Variants in ADCY3 observed in about 807,000 individuals in gnomAD.
ADCY3 encodes the protein adenylate cyclase 3.
In ADCY3, 70 loss-of-function variants were observed where a neutral mutation model predicts 119.4. The ratio of observed to expected loss-of-function variants is 0.59; its 90% CI spans 0.48 to 0.72. The LOEUF (loss-of-function observed/expected upper bound fraction) is 0.72. Ranked by LOEUF, ADCY3 falls within the 30% of genes least tolerant of loss-of-function variation. The pLI, the probability that ADCY3 is intolerant of heterozygous loss-of-function variation, is 0.00. For missense variants in ADCY3, 1,238 were observed against 1,541.6 expected, an observed-to-expected ratio of 0.80 and a Z score of 3.30; for synonymous variants, 672 against 621.4, an observed-to-expected ratio of 1.08 and a Z score of -1.21.
chr2:24,846,355 T>C (rs1020067732), intron 3 of ADCY3, among the ~76,000 whole-genome samples: 1 of 152,190 alleles, frequency 6.6e-6, no homozygotes, highest in Non-Finnish European at 1.5e-5. Context: ...CCCGAGACTA[T>C]GGGAACCTGC....
intron 3 of ADCY3, among the ~76,000 whole-genome samples, chr2:24,847,032 T>G (rs1671732827): frequency 6.6e-6 from 1 of 152,032 alleles, no homozygotes; most frequent in African/African-American, 2.4e-5. Context: ...GGACATGAGA[T>G]TTGGAGGGGC....
At chr2:24,832,054 G>GTGCA (rs1572825293) in intron 11 of ADCY3, 2 of 99,602 alleles carry the variant, frequency 2.0e-5, no homozygotes, top group East Asian at 7.4e-4. Flanking sequence ...CAAGGACCGG[G>GTGCA]GGAAGGGGGC....
chr2:24,823,463 G>A, intron 17 of ADCY3, 108 bp from the exon 18 acceptor site: 1 of 1,214,108 alleles, frequency 8.2e-7, no homozygotes, highest in Non-Finnish European at 1.1e-6. Flanking sequence ...CAGCTTTTTG[G>A]ACTCACACAT....
rs1420429615 is a variant in ADCY3 at position 24,918,943 on chromosome 2, C to G, written c.45G>C (p.Glu15Asp). The stretch of plus-strand genomic sequence containing the variant: ...GGCTGACGGAGTACTCGGCTGAGTA[C>G]TCGGCCGAGTATTCGGGCTCGGAGA... ...QGFSEPEYSA[E>D]YSAEYSVSLP... Residue 15 changes from glutamate (E) to aspartate (D), a missense_variant, in exon 2 of 22, where the codon GAG becomes GAC. By Grantham distance (45) the Glu-to-Asp change is conservative. Transcript: ENST00000679454. This position sits in a 1 kb window ranked among gnomAD's most constrained non-coding sequence, Gnocchi z 5.4. 6.2e-7 allele frequency: 1 copy of G among 1,609,770 alleles called. No individual in the cohort carries two copies. Among genetic ancestry groups the G allele is most frequent in the Non-Finnish European group, 8.5e-7 (1 of 1,178,964 alleles).
intron 14 of ADCY3, 83 bp from the exon 15 acceptor site, chr2:24,827,691 C>A: frequency 1.4e-6 from 2 of 1,468,874 alleles, no homozygotes; most frequent in Non-Finnish European, 1.9e-6. Flanking sequence ...TATCCCAAGT[C>A]CTCCACTCGG....
intron 12 of ADCY3, among the ~76,000 whole-genome samples, chr2:24,831,240 A>AC (rs1014950951): frequency 1.1e-4 from 17 of 151,512 alleles, no homozygotes; most frequent in Non-Finnish European, 2.1e-4. Flanking sequence ...TAAAAAAAAA[A>AC]AAAACTCTGC....
chr2:24,894,177 A>G (rs1375513185), intron 2 of ADCY3, among the ~76,000 whole-genome samples: 1 of 152,132 alleles, frequency 6.6e-6, no homozygotes, highest in African/African-American at 2.4e-5. Flanking sequence ...CAAATATTCT[A>G]TTACTTTGCA....
At position 24,918,346 on chromosome 2, in the gene ADCY3, C is replaced by T. The variant is rs1664711190; in HGVS notation, c.642G>A (p.Gln214=). The change falls in exon 2 of 22, where the codon CAG becomes CAA. Residue 214 remains glutamine, a synonymous_variant. Coordinates refer to ENST00000679454, the MANE Select transcript of ADCY3 (RefSeq NM_004036.5). This position sits in a 1 kb window ranked among gnomAD's most constrained non-coding sequence, Gnocchi z 5.4. ...GCAGCTGCATCCCCTTGAGCTCCTC[C>T]TGCTGCTGCTGGGCCACGGTGACCC... is the stretch of plus-strand genomic sequence containing the variant. The part of the protein sequence containing the change: ...VLGVTVAQQQ[Q]EELKGMQLLR... The T allele has an allele frequency of 1.9e-6, 3 of 1,588,686 alleles. No individual in the cohort carries two copies. The African/African-American group carries it at 4.0e-5, about 21-fold the overall frequency.
At chr2:24,907,261 CT>C (rs1183065640) in intron 2 of ADCY3, among the ~76,000 whole-genome samples, 1 of 151,518 alleles carries the variant, frequency 6.6e-6, no homozygotes. Context: ...CAGTCTTCCA[CT>C]ACCAGATCTG....
intron 9 of ADCY3, 100 bp downstream of exon 9, chr2:24,836,817 G>A: frequency 1.3e-6 from 2 of 1,489,472 alleles, no homozygotes; most frequent in Non-Finnish European, 1.8e-6. Context: ...TGGTGGCCAG[G>A]TCTCCCCAGC....
At chr2:24,824,239 T>G in intron 17 of ADCY3, 139 bp downstream of exon 17, 1 of 1,067,862 alleles carries the variant, frequency 9.4e-7, no homozygotes, top group Non-Finnish European at 1.3e-6. Flanking sequence ...CTTATTTGTG[T>G]TTGCTGTTTA....
At chr2:24,846,397 C>T (rs1161782181) in intron 3 of ADCY3, among the ~76,000 whole-genome samples, 1 of 152,170 alleles carries the variant, frequency 6.6e-6, no homozygotes, top group Non-Finnish European at 1.5e-5. Flanking sequence ...GATGTGAGAC[C>T]TGGAGTCAAA....
At chr2:24,835,983 C>T (rs912993468) in intron 9 of ADCY3, among the ~76,000 whole-genome samples, 9 of 151,970 alleles carry the variant, frequency 5.9e-5, no homozygotes, top group African/African-American at 2.2e-4. Context: ...CACAGGTGTG[C>T]CACTGGTTGA....
chr2:24,914,146 G>A (rs988710557), intron 2 of ADCY3, among the ~76,000 whole-genome samples: 4 of 152,200 alleles, frequency 2.6e-5, no homozygotes, highest in Non-Finnish European at 4.4e-5. Context: ...CCAGGGGAGC[G>A]AAATGGGCAA....
intron 2 of ADCY3, among the ~76,000 whole-genome samples, chr2:24,874,612 T>G (rs981728900): frequency 6.6e-6 from 1 of 152,186 alleles, no homozygotes; most frequent in Non-Finnish European, 1.5e-5. Context: ...GGGCCAGGTC[T>G]TCTTCTGGCC....
intron 21 of ADCY3, 29 bp downstream of exon 21, chr2:24,820,695 G>C: frequency 1.2e-6 from 2 of 1,613,426 alleles, no homozygotes; most frequent in Non-Finnish European, 1.7e-6. Context: ...CCGAGTCTGA[G>C]CACGTGCCAG....
At chr2:24,913,960 C>T (rs1225459481) in intron 2 of ADCY3, among the ~76,000 whole-genome samples, 1 of 152,040 alleles carries the variant, frequency 6.6e-6, no homozygotes, top group Non-Finnish European at 1.5e-5. Flanking sequence ...ACGCCCCGCC[C>T]ACCACCACCC....
chr2:24,864,045 G>C (rs1673996127), intron 3 of ADCY3, among the ~76,000 whole-genome samples: 1 of 152,210 alleles, frequency 6.6e-6, no homozygotes, highest in Admixed American at 6.5e-5. Context: ...CCAGCACTTT[G>C]GGAGGCCAAG....
rs977337968 is a variant in ADCY3 at position 24,819,559 on chromosome 2, C to A, written c.*373G>T. On this transcript the variant is annotated 3_prime_UTR_variant, in exon 22 of 22. Transcript: ENST00000679454. ...CCACCAAGCCCTGTCTGAAGTGGAG[C>A]TTCCCCGCCTGTGCTCCCTCCACAG... 6.0e-6 allele frequency: 1 copy of A among 166,332 alleles called. No individual in the cohort carries two copies. Among genetic ancestry groups the A allele is most frequent in the Non-Finnish European group, 1.3e-5 (1 of 76,890 alleles). The allele number at this position is 166,332 out of a possible 1,614,324, so 10.3% of individuals were successfully genotyped here. A position where few individuals can be genotyped will look rare whatever the true frequency, so the allele number is the denominator to read the frequency against.
Sources: gnomAD v4.1 joint callset for allele counts (sites outside exome capture counted in the v4.1 genomes callset) on GRCh38, gnomAD v4.1.1 for gene constraint, Gnocchi (gnomAD v3.1) non-coding constraint, MANE v1.5 for transcripts, NCBI Gene and HGNC (gene_info 2026-07-23, HGNC 2026-07-21) for gene names.